Variants in EYA2 observed in about 807,000 individuals in gnomAD.
The protein encoded by EYA2 is EYA transcriptional coactivator and phosphatase 2.
Under a neutral mutation model 69.2 loss-of-function variants are expected in EYA2, and 31 were observed. The observed-to-expected ratio is 0.45, with a 90% CI of 0.34 to 0.60. EYA2 has a LOEUF of 0.60. Ranked by LOEUF, EYA2 falls within the 20% of genes least tolerant of loss-of-function variation. EYA2 has a pLI of 0.02. For missense variants in EYA2, 622 were observed against 701.2 expected (o/e 0.89, Z 1.28); for synonymous variants, 257 against 279.4 (o/e 0.92, Z 0.80).
Position 47,016,181 on chromosome 20 carries a change from G to A in EYA2, c.299G>A (p.Ser100Asn), listed in dbSNP as rs763962033. 7 of 1,611,594 alleles carry A rather than the reference G, an allele frequency of 4.3e-6. No individual in the cohort carries two copies. In the Admixed American group the frequency reaches 8.3e-5, roughly 19 times the overall value. The change falls in exon 5 of 16, where the codon AGC becomes AAC. Residue 100 changes from serine (S) to asparagine (N), a missense_variant and splice_region_variant. This residue lies in a region of EYA2 where 365 missense variants were observed against 349.7 expected (regional missense o/e 1.04). Transcript: ENST00000327619. ...PAQAYGIPSYSIKTEDSLNHS... is the reference protein window; with the variant it reads ...PAQAYGIPSYNIKTEDSLNHS... The stretch of plus-strand genomic sequence containing the variant: ...TTTTTTTCCCCCTCTTCCTTCAAAG[G>A]CATCAAGACAGAAGACAGCTTGAAC...
intron 14 of EYA2, among the ~76,000 whole-genome samples, chr20:47,182,029 T>A (rs1159113271): frequency 2.0e-5 from 3 of 152,126 alleles, no homozygotes; most frequent in African/African-American, 7.2e-5. Context: ...TTTTTCTTTT[T>A]TTTAAGATGG....
At chr20:47,077,076 C>T (rs1394855728) in intron 7 of EYA2, among the ~76,000 whole-genome samples, 2 of 152,188 alleles carry the variant, frequency 1.3e-5, no homozygotes, top group Admixed American at 6.5e-5. Flanking sequence ...CCTCAACCAC[C>T]AGGGACTGAG....
chr20:46,927,309 T>C (rs955071592), intron 1 of EYA2, among the ~76,000 whole-genome samples: 2 of 152,206 alleles, frequency 1.3e-5, no homozygotes, highest in South Asian at 2.1e-4. Flanking sequence ...CAGTGTGACA[T>C]ATGAGCCCCG....
At chr20:47,054,505 G>C (rs376685581) in intron 5 of EYA2, among the ~76,000 whole-genome samples, 2 of 152,168 alleles carry the variant, frequency 1.3e-5, no homozygotes, top group Non-Finnish European at 2.9e-5. Flanking sequence ...GAGCATGTGT[G>C]GGGGGCTGCT....
chr20:47,075,596 T>C lies in EYA2; in HGVS notation c.661+1261T>C, dbSNP rs2031486615. 2.0e-5 allele frequency among the ~76,000 whole-genome samples: 3 copies of C among 152,148 alleles called. No individual in the cohort carries two copies. In the South Asian group the frequency reaches 6.2e-4, roughly 32 times the overall value. On this transcript the variant is annotated intron_variant, in intron 7 of 15. Transcript: ENST00000327619. ...GTTTGAGAACAGAAGGGCAGAGGCT[T>C]TCAAATGTTGATTCTTTGTCTAAGA...
intron 5 of EYA2, among the ~76,000 whole-genome samples, chr20:47,047,392 C>CTTTTTTTT (rs1223938839): frequency 3.8e-5 from 5 of 131,126 alleles, no homozygotes; most frequent in African/African-American, 6.0e-5. Context: ...TTGTCTCTCT[C>CTTTTTTTT]TCTCTTTTTT....
chr20:47,147,067 T>C (rs1033666489), intron 10 of EYA2, among the ~76,000 whole-genome samples: 2 of 149,828 alleles, frequency 1.3e-5, no homozygotes, highest in Admixed American at 1.3e-4. Flanking sequence ...TTTTTTTTTT[T>C]TTTTTTTTGA....
At chr20:46,966,697 C>T (rs1979804555) in intron 1 of EYA2, among the ~76,000 whole-genome samples, 1 of 151,864 alleles carries the variant, frequency 6.6e-6, no homozygotes, top group Non-Finnish European at 1.5e-5. Flanking sequence ...GTAGTCCCAG[C>T]TACTTAGGAG....
chr20:46,976,511 G>A (rs909016011), intron 1 of EYA2, among the ~76,000 whole-genome samples: 3 of 151,962 alleles, frequency 2.0e-5, no homozygotes, highest in African/African-American at 4.8e-5. Flanking sequence ...TCAGCCTCCC[G>A]AGTAGCTGGG....
chr20:46,960,932 G>A (rs1190257127), intron 1 of EYA2, among the ~76,000 whole-genome samples: 1 of 152,136 alleles, frequency 6.6e-6, no homozygotes, highest in Non-Finnish European at 1.5e-5. Context: ...CAGAAAGCAA[G>A]CCGGCATCCC....
At chr20:47,149,688 C>CAAAAAAA (rs59780173) in intron 10 of EYA2, among the ~76,000 whole-genome samples, 8 of 102,702 alleles carry the variant, frequency 7.8e-5, no homozygotes, top group East Asian at 2.7e-4. Context: ...ACTAAAAATA[C>CAAAAAAA]AAAAAAAAAA....
intron 5 of EYA2, among the ~76,000 whole-genome samples, chr20:47,068,348 G>A (rs1326208852): frequency 5.9e-5 from 9 of 152,232 alleles, no homozygotes; most frequent in Admixed American, 5.9e-4. Flanking sequence ...AAGGCCCTGA[G>A]CTGGGAAGCA....
intron 9 of EYA2, among the ~76,000 whole-genome samples, chr20:47,141,074 G>C (rs78454451): frequency 0.013 from 1,932 of 152,246 alleles, 33 homozygotes; most frequent in African/African-American, 0.045. Context: ...TGCCACATTG[G>C]AGATCAAATT....
At chr20:46,999,659 C>T (rs1390704474) in intron 2 of EYA2, among the ~76,000 whole-genome samples, 2 of 152,172 alleles carry the variant, frequency 1.3e-5, no homozygotes, top group African/African-American at 2.4e-5. Flanking sequence ...TCTAAATGAA[C>T]TTCAAGACCA....
In EYA2 at chr20:47,185,276, C is replaced by CTTTTTTTTTTTTT. The variant is rs765083065; in HGVS notation, c.1536+1915_1536+1927dup. On this transcript the variant is annotated intron_variant, in intron 15 of 15. Transcript: ENST00000327619. ...CTCTCCCAGAAAAATGAATCACACT[C>CTTTTTTTTTTTTT]TTTTTTTTTTTTTTTTTTTTTTTTT... Among the ~76,000 whole-genome samples, 8 of 55,932 alleles carry CTTTTTTTTTTTTT rather than the reference C, an allele frequency of 1.4e-4. 2 individuals are homozygous for CTTTTTTTTTTTTT. The highest frequency in any genetic ancestry group is 2.2e-4 in the Non-Finnish European group (7 of 31,532). 36.7% of individuals were successfully genotyped at this position (55,932 alleles called of 152,430 possible).
intron 5 of EYA2, among the ~76,000 whole-genome samples, chr20:47,057,259 G>A: frequency 6.6e-6 from 1 of 152,218 alleles, no homozygotes. Context: ...GTGAATGAAA[G>A]GTTTGCCCAG....
intron 9 of EYA2, among the ~76,000 whole-genome samples, chr20:47,137,023 C>A (rs924761884): frequency 5.9e-5 from 9 of 152,118 alleles, no homozygotes; most frequent in African/African-American, 1.4e-4. Context: ...ACAAAGATGA[C>A]ATTCCATCCA....
intron 11 of EYA2, among the ~76,000 whole-genome samples, chr20:47,171,211 G>C (rs762986081): frequency 6.6e-6 from 1 of 152,242 alleles, no homozygotes; most frequent in Non-Finnish European, 1.5e-5. Context: ...GGAATTGAGA[G>C]CAACAGTCCT....
At chr20:46,994,792 C>T (rs1981908259) in intron 2 of EYA2, among the ~76,000 whole-genome samples, 1 of 152,012 alleles carries the variant, frequency 6.6e-6, no homozygotes, top group Non-Finnish European at 1.5e-5. Context: ...CCATCGTGGC[C>T]TCCACAGGTA....
Sources: gnomAD v4.1 joint callset for allele counts (sites outside exome capture counted in the v4.1 genomes callset) on GRCh38, gnomAD v4.1.1 for gene constraint, gnomAD v4.1.1 regional missense constraint, MANE v1.5 for transcripts, NCBI Gene and HGNC (gene_info 2026-07-23, HGNC 2026-07-21) for gene names.